The following RNF157 variants were observed in gnomAD, a reference collection of about 807,000 sequenced individuals.
The protein encoded by RNF157 is E3 ubiquitin ligase RNF157.
A neutral mutation model predicts 88.3 loss-of-function variants in RNF157; 55 were observed. The observed-to-expected ratio is 0.62, with a 90% confidence interval of 0.50 to 0.78. The LOEUF (loss-of-function observed/expected upper bound fraction) is 0.78, where lower values mean the gene tolerates loss of function less well. RNF157 is among the 30% of genes least tolerant of loss of function. RNF157 has a pLI of 0.00. For missense variants in RNF157, 788 were observed against 860.8 expected, an observed-to-expected ratio of 0.92 and a Z score of 1.06; for synonymous variants, 334 against 341.2, an observed-to-expected ratio of 0.98 and a Z score of 0.23.
rs4789246 is a variant in RNF157, at chr17:76,157,883, C to A, written c.1413+510G>T. Among the ~76,000 whole-genome samples the A allele has an allele frequency of 0.061, 9,201 of 151,988 alleles. 396 individuals are homozygous for A. The highest frequency in any genetic ancestry group is 0.11 in the African/African-American group (4,658 of 41,436). On this transcript the variant is annotated intron_variant, in intron 13 of 18. Transcript: ENST00000269391. The surrounding 1 kb of genome is among the most constrained non-coding windows in gnomAD (Gnocchi z 5.6). ...ATTCTTCCACATGGGCCTCCCGACA[C>A]CCCCCACTTACCCCCAGGACTTTCT...
chr17:76,240,123 C>A lies in RNF157; in HGVS notation c.88+30G>T. 2 of 1,270,346 alleles carry A rather than the reference C, an allele frequency of 1.6e-6. No homozygotes were observed. Among genetic ancestry groups the A allele is most frequent in the Non-Finnish European group, 2.0e-6 (2 of 994,684 alleles). 78.7% of individuals were successfully genotyped at this position (1,270,346 alleles called of 1,614,324 possible). On this transcript the variant is annotated intron_variant, in intron 1 of 18. Transcript: ENST00000269391. The surrounding 1 kb of genome is among the most constrained non-coding windows in gnomAD (Gnocchi z 4.4). ...ACCCCTGCCCCTGCCCCTCTCCCTC[C>A]TCGCGGCTGCGGCGCCCGCCCGCCC...
chr17:76,173,358 C>T (rs1329842395), intron 3 of RNF157, among the ~76,000 whole-genome samples: 3 of 152,238 alleles, frequency 2.0e-5, no homozygotes, highest in African/African-American at 7.2e-5. Context: ...TCAAATTTCC[C>T]ATTTTTACAT....
At chr17:76,227,363 C>T (rs941631733) in intron 1 of RNF157, among the ~76,000 whole-genome samples, 1 of 151,282 alleles carries the variant, frequency 6.6e-6, no homozygotes, top group African/African-American at 2.4e-5. Context: ...TCAGGTGATC[C>T]GCCCACCTCA....
chr17:76,158,300 G>C, intron 13 of RNF157, 93 bp downstream of exon 13: 2 of 836,468 alleles, frequency 2.4e-6, no homozygotes, highest in Non-Finnish European at 2.1e-6. Flanking sequence ...TGTTTGATGA[G>C]TGAATGAGAG....
rs77119800 is a variant in RNF157 at position 76,230,396 on chromosome 17, A to T, written c.88+9757T>A. 4.0e-4 allele frequency among the ~76,000 whole-genome samples: 61 copies of T among 152,322 alleles called. No individual in the cohort carries two copies. In the East Asian group the frequency reaches 0.011, roughly 26 times the overall value. On this transcript the variant is annotated intron_variant, in intron 1 of 18. Coordinates refer to ENST00000269391, the MANE Select transcript of RNF157 (RefSeq NM_052916.3). The stretch of plus-strand genomic sequence containing the variant: ...GCTAAAAATGTCAGTCATCAAAGAA[A>T]CAAAAACACTGAACATGTGCTCTAT...
At chr17:76,193,801 G>C (rs1043662727) in intron 2 of RNF157, among the ~76,000 whole-genome samples, 1 of 152,182 alleles carries the variant, frequency 6.6e-6, no homozygotes, top group Non-Finnish European at 1.5e-5. Context: ...AGGCTCTCCC[G>C]CATCCTGCAG....
At chr17:76,151,255 T>C (rs542927729) in intron 18 of RNF157, among the ~76,000 whole-genome samples, 19 of 152,222 alleles carry the variant, frequency 1.2e-4, no homozygotes, top group South Asian at 2.1e-4. Flanking sequence ...ACAAACTAAA[T>C]AGAAAATGAC....
chr17:76,179,272 T>C (rs546938884), intron 2 of RNF157, among the ~76,000 whole-genome samples: 1 of 152,142 alleles, frequency 6.6e-6, no homozygotes, highest in African/African-American at 2.4e-5. Context: ...CACACACCTG[T>C]AGTCCCAGCT....
rs2144774530 is a variant in RNF157 at position 76,144,114 on chromosome 17, T to C, written c.*1121A>G. 6.6e-6 allele frequency: 1 copy of C among 152,318 alleles called. No homozygotes were observed. Among genetic ancestry groups the C allele is most frequent in the South Asian group, 2.1e-4 (1 of 4,826 alleles). The allele number at this position is 152,318 out of a possible 1,614,324, so 9.4% of individuals were successfully genotyped here. A position where few individuals can be genotyped will look rare whatever the true frequency, so the allele number is the denominator to read the frequency against. On this transcript the variant is annotated 3_prime_UTR_variant, in exon 19 of 19. Transcript: ENST00000269391. ...GAGATGGGGGCAACAGGGACAAGAA[T>C]GCCACCTCCCAATTGAGTGAGGATG...
At chr17:76,169,010 T>C (rs1422601418) in intron 3 of RNF157, among the ~76,000 whole-genome samples, 1 of 152,256 alleles carries the variant, frequency 6.6e-6, no homozygotes, top group African/African-American at 2.4e-5. Context: ...TCAGCCACTG[T>C]GTGGGCACTT....
chr17:76,232,991 G>A (rs2145082712), intron 1 of RNF157, among the ~76,000 whole-genome samples: 1 of 151,640 alleles, frequency 6.6e-6, no homozygotes, highest in South Asian at 2.1e-4. Flanking sequence ...CCCAGTCTCC[G>A]CTCACTGCAA....
At chr17:76,151,778 C>T (rs2068681653) in intron 18 of RNF157, among the ~76,000 whole-genome samples, 1 of 152,170 alleles carries the variant, frequency 6.6e-6, no homozygotes, top group South Asian at 2.1e-4. Context: ...CTCCAGGGAG[C>T]ATAGAGGAGC....
chr17:76,222,727 G>A (rs961357649), intron 1 of RNF157, among the ~76,000 whole-genome samples: 1 of 152,102 alleles, frequency 6.6e-6, no homozygotes, highest in Non-Finnish European at 1.5e-5. Context: ...GGTTTGAACC[G>A]AAGGTCTGGC....
intron 3 of RNF157, among the ~76,000 whole-genome samples, chr17:76,171,774 G>C (rs1428731062): frequency 2.0e-5 from 3 of 152,206 alleles, no homozygotes; most frequent in African/African-American, 2.4e-5. Flanking sequence ...ATTCAAGCAA[G>C]CATCTGTGGA....
Position 76,173,425 on chromosome 17 carries a change from T to C in RNF157, c.296+277A>G, listed in dbSNP as rs538346873. On this transcript the variant is annotated intron_variant, in intron 3 of 18. Coordinates refer to ENST00000269391, the MANE Select transcript of RNF157 (RefSeq NM_052916.3). ...TTTTCCCTTAATAATTCTTCTTCCC[T>C]TTTAAAAAATATCCATAAAATAAGG... Among the ~76,000 whole-genome samples, 7 of 152,342 alleles carry C rather than the reference T, an allele frequency of 4.6e-5. No individual in the cohort carries two copies. The East Asian group carries it at 1.3e-3, about 29-fold the overall frequency.
chr17:76,211,133 C>T (rs2069792205), intron 2 of RNF157, among the ~76,000 whole-genome samples: 1 of 152,190 alleles, frequency 6.6e-6, no homozygotes, highest in South Asian at 2.1e-4. Context: ...AGACTGGTTT[C>T]CTTATTTGTT....
At chr17:76,221,918 A>G (rs1460328226) in intron 1 of RNF157, among the ~76,000 whole-genome samples, 2 of 152,218 alleles carry the variant, frequency 1.3e-5, no homozygotes, top group Non-Finnish European at 2.9e-5. Context: ...GCCAAACACA[A>G]AAGGTCACAT....
chr17:76,158,337 T>A, intron 13 of RNF157, 56 bp downstream of exon 13: 2 of 1,160,122 alleles, frequency 1.7e-6, no homozygotes, highest in Non-Finnish European at 2.6e-6. Context: ...GGCATGCAGG[T>A]AGGAGGGAAG....
At position 76,161,417 on chromosome 17, in the gene RNF157, A is replaced by T. The variant is rs932071701; in HGVS notation, c.1065+118T>A. The T allele has an allele frequency of 1.7e-5, 14 of 801,654 alleles. No homozygotes were observed. The highest frequency in any genetic ancestry group is 1.2e-4 in the Admixed American group (6 of 48,038). The allele number at this position is 801,654 out of a possible 1,614,324, so 49.7% of individuals were successfully genotyped here. A position where few individuals can be genotyped will look rare whatever the true frequency, so the allele number is the denominator to read the frequency against. On this transcript the variant is annotated intron_variant, in intron 11 of 18. Coordinates refer to ENST00000269391, the MANE Select transcript of RNF157 (RefSeq NM_052916.3). The surrounding 1 kb of genome is among the most constrained non-coding windows in gnomAD (Gnocchi z 4.6). Reference sequence around the variant, plus strand: ...CATGCTCTCAGCCGGCTTGCTAAATACTGCAGCATGCCCTGGTCTAATTCC... The same window carrying T: ...CATGCTCTCAGCCGGCTTGCTAAATTCTGCAGCATGCCCTGGTCTAATTCC...
Sources: gnomAD v4.1 joint callset for allele counts (sites outside exome capture counted in the v4.1 genomes callset) on GRCh38, gnomAD v4.1.1 for gene constraint, Gnocchi (gnomAD v3.1) non-coding constraint, MANE v1.5 for transcripts, NCBI Gene and HGNC (gene_info 2026-07-23, HGNC 2026-07-21) for gene names.